Variants in IFNAR2 observed in about 807,000 individuals in gnomAD.
The protein encoded by IFNAR2 is interferon alpha and beta receptor subunit 2, also known as interferon alpha/beta receptor 2.
IFNAR2 carries 30 observed loss-of-function variants against 49.4 expected under a neutral mutation model. The ratio of observed to expected loss-of-function variants is 0.61; its 90% CI spans 0.45 to 0.82. The LOEUF (loss-of-function observed/expected upper bound fraction) is 0.82. IFNAR2 is among the 40% of genes least tolerant of loss of function. IFNAR2 has a pLI of 0.00. For synonymous variants in IFNAR2, 224 were observed against 234.5 expected, an observed-to-expected ratio of 0.96 and a Z score of 0.41; for missense variants, 600 against 622.7, an observed-to-expected ratio of 0.96 and a Z score of 0.39.
chr21:33,229,970 C>A lies in IFNAR2; in HGVS notation c.-330C>A. On this transcript the variant is annotated 5_prime_UTR_variant, in exon 1 of 9. Coordinates refer to ENST00000342136, the MANE Select transcript of IFNAR2 (RefSeq NM_001289125.3). ...TCCTCGTAGGCCGGGGCTCGGCGCG[C>A]GCACCCGCACTAAAGACGCTTCTTC... The A allele has an allele frequency of 1.0e-6, 1 of 984,284 alleles. No individual in the cohort carries two copies. The highest frequency in any genetic ancestry group is 1.2e-6 in the Non-Finnish European group (1 of 829,586). The allele number at this position is 984,284 out of a possible 1,614,324, so 61.0% of individuals were successfully genotyped here.
In IFNAR2 at chr21:33,263,138, G is replaced by T; in HGVS notation, c.1186G>T (p.Glu396Ter). 6.2e-7 allele frequency: 1 copy of T among 1,614,200 alleles called. No individual in the cohort carries two copies. Among genetic ancestry groups the T allele is most frequent in the Non-Finnish European group, 8.5e-7 (1 of 1,180,038 alleles). ...QQLELLSGPC[E>*]RRKSPLQDPF... Reference sequence around the variant, plus strand: ...GTTGGAACTCTTGAGTGGGCCCTGTGAGAGGAGAAAGAGTCCACTCCAGGA... The same window carrying T: ...GTTGGAACTCTTGAGTGGGCCCTGTTAGAGGAGAAAGAGTCCACTCCAGGA... The change falls in exon 9 of 9, where the codon GAG (glutamate) becomes TAG (stop). Residue 396 changes from glutamate (E) to a stop codon, truncating the protein, a stop_gained. Transcript: ENST00000342136. LOFTEE classifies it high-confidence loss of function.
intron 7 of IFNAR2, among the ~76,000 whole-genome samples, chr21:33,257,963 T>C (rs541415845): frequency 6.6e-5 from 10 of 152,150 alleles, no homozygotes; most frequent in Non-Finnish European, 1.2e-4. Flanking sequence ...ATCCCAGATA[T>C]GTGAACAGGC....
In IFNAR2 at chr21:33,229,967, G is replaced by A; in HGVS notation, c.-333G>A. ...CGCTCCTCGTAGGCCGGGGCTCGGC[G>A]CGCGCACCCGCACTAAAGACGCTTC... is the stretch of plus-strand genomic sequence containing the variant. On this transcript the variant is annotated 5_prime_UTR_variant, in exon 1 of 9. Coordinates refer to ENST00000342136, the MANE Select transcript of IFNAR2 (RefSeq NM_001289125.3). 1.0e-6 allele frequency: 1 copy of A among 984,192 alleles called. No homozygotes were observed. The highest frequency in any genetic ancestry group is 1.8e-5 in the African/African-American group (1 of 57,058). 61.0% of individuals were successfully genotyped at this position (984,192 alleles called of 1,614,324 possible).
At position 33,230,056 on chromosome 21, in the gene IFNAR2, C is replaced by G. The variant is rs1306371025; in HGVS notation, c.-244C>G. On this transcript the variant is annotated 5_prime_UTR_variant, in exon 1 of 9. Transcript: ENST00000342136. This position sits in a 1 kb window ranked among gnomAD's most constrained non-coding sequence, Gnocchi z 5.5. Reference sequence around the variant, plus strand: ...TTCCCCGAGCGCAGCCCGCGGACCACCACCCGGCCGCACGGGCCGCTTTTG... The same window carrying G: ...TTCCCCGAGCGCAGCCCGCGGACCAGCACCCGGCCGCACGGGCCGCTTTTG... 1.0e-6 allele frequency: 1 copy of G among 986,868 alleles called. No individual in the cohort carries two copies. Among genetic ancestry groups the G allele is most frequent in the South Asian group, 4.5e-5 (1 of 22,040 alleles). The allele number at this position is 986,868 out of a possible 1,614,324, so 61.1% of individuals were successfully genotyped here.
chr21:33,265,188 G>A lies in IFNAR2; in HGVS notation c.*1688G>A, dbSNP rs1387296620. 1.3e-5 allele frequency: 2 copies of A among 152,166 alleles called. No homozygotes were observed. The highest frequency in any genetic ancestry group is 4.8e-5 in the African/African-American group (2 of 41,436). The allele number at this position is 152,166 out of a possible 1,614,324, so 9.4% of individuals were successfully genotyped here. On this transcript the variant is annotated 3_prime_UTR_variant, in exon 9 of 9. Transcript: ENST00000342136. Reference sequence around the variant, plus strand: ...TCTCCAAGATCCTAGGAACCCAGGAGAAAGATGAGAAAATGTACAAGAATG... The same window carrying A: ...TCTCCAAGATCCTAGGAACCCAGGAAAAAGATGAGAAAATGTACAAGAATG...
chr21:33,230,663 C>T lies in IFNAR2; in HGVS notation c.-84+447C>T. On this transcript the variant is annotated intron_variant, in intron 1 of 8. Coordinates refer to ENST00000342136, the MANE Select transcript of IFNAR2 (RefSeq NM_001289125.3). This position sits in a 1 kb window ranked among gnomAD's most constrained non-coding sequence, Gnocchi z 5.5. ...AGGTTCGGGATCTCCAGCCCGCCCCCTTGAGGTCCCCTGGGATTAGCCCCC... is the reference window on the plus strand; with the variant it reads ...AGGTTCGGGATCTCCAGCCCGCCCCTTTGAGGTCCCCTGGGATTAGCCCCC... The T allele has an allele frequency of 2.2e-6, 1 of 460,734 alleles. No homozygotes were observed. The allele number at this position is 460,734 out of a possible 1,614,324, so 28.5% of individuals were successfully genotyped here.
In IFNAR2 at chr21:33,260,844, A is replaced by G. The variant is rs141986219; in HGVS notation, c.840+117A>G. On this transcript the variant is annotated intron_variant, in intron 8 of 8. Transcript: ENST00000342136. ...GAAAATCTCATTTTCTATAAACACC[A>G]AAATGCTTTCTCACTCTGAGTTCTT... 1,232 of 613,782 alleles carry G rather than the reference A, an allele frequency of 2.0e-3. 36 individuals carry two copies. The East Asian group carries it at 0.037, about 19-fold the overall frequency. The allele number at this position is 613,782 out of a possible 1,614,324, so 38.0% of individuals were successfully genotyped here.
In IFNAR2 at chr21:33,248,024, A is replaced by T. The variant is rs936133442; in HGVS notation, c.395-685A>T. Among the ~76,000 whole-genome samples the T allele has an allele frequency of 5.8e-4, 88 of 152,270 alleles. 1 individual carries two copies. Among genetic ancestry groups the T allele is most frequent in the African/African-American group, 2.0e-3 (84 of 41,476 alleles). ...TGGTATTTGGGTTGTTAAAGAATGC[A>T]TATTAAAGTAACAGTGAGATATGTT... is the stretch of plus-strand genomic sequence containing the variant. On this transcript the variant is annotated intron_variant, in intron 5 of 8. Coordinates refer to ENST00000342136, the MANE Select transcript of IFNAR2 (RefSeq NM_001289125.3).
At chr21:33,242,748 A>AG (rs1221572446) in intron 2 of IFNAR2, among the ~76,000 whole-genome samples, 1 of 93,894 alleles carries the variant, frequency 1.1e-5, no homozygotes, top group African/African-American at 4.1e-5. Context: ...AAAAAAAAAA[A>AG]TCTCGTGTGC....
intron 1 of IFNAR2, chr21:33,232,971 G>A (rs1029785627): frequency 3.5e-5 from 34 of 980,932 alleles, no homozygotes; most frequent in East Asian, 1.1e-4. Context: ...ATTGCAAGAC[G>A]TCTTACTAAA....
intron 4 of IFNAR2, 51 bp from the exon 5 acceptor site, chr21:33,246,667 T>C: frequency 6.8e-7 from 1 of 1,462,104 alleles, no homozygotes; most frequent in Non-Finnish European, 9.4e-7. Flanking sequence ...AAATAGACTC[T>C]CATTACATCA....
chr21:33,252,567 C>A, intron 6 of IFNAR2, 95 bp from the exon 7 acceptor site: 1 of 1,491,284 alleles, frequency 6.7e-7, no homozygotes, highest in Non-Finnish European at 8.9e-7. Flanking sequence ...ATAAATCTAA[C>A]CCTGTTTGAG....
chr21:33,231,626 A>G (rs978029552), intron 1 of IFNAR2: 3 of 918,868 alleles, frequency 3.3e-6, no homozygotes, highest in Non-Finnish European at 3.9e-6. Context: ...TGCACACTCA[A>G]AGCCACATTG....
intron 1 of IFNAR2, among the ~76,000 whole-genome samples, chr21:33,240,176 T>C (rs1986815787): frequency 6.6e-6 from 1 of 152,202 alleles, no homozygotes; most frequent in African/African-American, 2.4e-5. Context: ...CAACCCCTAA[T>C]GATGTCTTGG....
chr21:33,252,894 T>C, intron 7 of IFNAR2, 64 bp downstream of exon 7: 1 of 1,283,486 alleles, frequency 7.8e-7, no homozygotes, highest in Non-Finnish European at 1.1e-6. Flanking sequence ...GGCAAGCCTA[T>C]TTAAAGAAAA....
rs1438768502 is a variant in IFNAR2 at position 33,230,035 on chromosome 21, C to T, written c.-265C>T. ...TCCCGCCGGCGAGCCGAACAGTTCC[C>T]CGAGCGCAGCCCGCGGACCACCACC... On this transcript the variant is annotated 5_prime_UTR_variant, in exon 1 of 9. Transcript: ENST00000342136. This position sits in a 1 kb window ranked among gnomAD's most constrained non-coding sequence, Gnocchi z 5.5. 3.0e-5 allele frequency: 30 copies of T among 985,774 alleles called. 1 individual carries two copies. The South Asian group carries it at 1.3e-3, about 43-fold the overall frequency. The allele number at this position is 985,774 out of a possible 1,614,324, so 61.1% of individuals were successfully genotyped here.
chr21:33,235,448 G>A (rs1269141515), intron 1 of IFNAR2, among the ~76,000 whole-genome samples: 2 of 152,064 alleles, frequency 1.3e-5, no homozygotes, highest in African/African-American at 4.8e-5. Flanking sequence ...AAGGAGCTTG[G>A]TGCATTGTCA....
At chr21:33,257,702 C>T (rs1439064598) in intron 7 of IFNAR2, among the ~76,000 whole-genome samples, 1 of 152,156 alleles carries the variant, frequency 6.6e-6, no homozygotes, top group African/African-American at 2.4e-5. Flanking sequence ...TCCCTAAGTC[C>T]TCACTCCACC....
In IFNAR2 at chr21:33,234,018, G is replaced by A. The variant is rs1038336569; in HGVS notation, c.-84+3802G>A. On this transcript the variant is annotated intron_variant, in intron 1 of 8. Transcript: ENST00000342136. Reference sequence around the variant, plus strand: ...ATGGTATAAAATTAAAAGATGCTATGTGAATATATAATACTGCAACTTTTA... The same window carrying A: ...ATGGTATAAAATTAAAAGATGCTATATGAATATATAATACTGCAACTTTTA... Among the ~76,000 whole-genome samples the A allele has an allele frequency of 2.6e-5, 4 of 151,990 alleles. No individual in the cohort carries two copies. The East Asian group carries it at 7.7e-4, about 29-fold the overall frequency.
Sources: allele counts gnomAD v4.1 joint callset (sites outside exome capture counted in the v4.1 genomes callset), GRCh38; gene constraint gnomAD v4.1.1; non-coding constraint Gnocchi (gnomAD v3.1); transcripts MANE v1.5; gene names NCBI Gene and HGNC (gene_info 2026-07-23, HGNC 2026-07-21).